The following PHF21A variants were observed in gnomAD, a reference collection of about 807,000 sequenced individuals.
PHF21A encodes the protein BHC80a.
PHF21A carries 11 observed loss-of-function variants against 82.5 expected under a neutral mutation model. The observed-to-expected ratio is 0.13, with a 90% confidence interval of 0.08 to 0.22. The LOEUF is 0.22. Among genes scored for constraint, PHF21A ranks in the 10% least tolerant of loss-of-function variants. The pLI is 1.00. For synonymous variants in PHF21A, 297 were observed against 302.8 expected, an observed-to-expected ratio of 0.98 and a Z score of 0.20; for missense variants, 579 against 837.8, an observed-to-expected ratio of 0.69 and a Z score of 3.81.
chr11:46,086,292 T>G (rs578255942), intron 3 of PHF21A, among the ~76,000 whole-genome samples: 1 of 152,284 alleles, frequency 6.6e-6, no homozygotes, highest in East Asian at 1.9e-4. Context: ...CTAATTTTTT[T>G]GTATTTTTAG....
At chr11:46,071,080 A>G (rs1398247167) in intron 6 of PHF21A, among the ~76,000 whole-genome samples, 1 of 152,148 alleles carries the variant, frequency 6.6e-6, no homozygotes, top group Admixed American at 6.5e-5. Flanking sequence ...CAATTTCCAT[A>G]TCCTCTCTGT....
intron 4 of PHF21A, among the ~76,000 whole-genome samples, chr11:46,082,247 A>T (rs892036260): frequency 6.6e-6 from 1 of 152,182 alleles, no homozygotes; most frequent in African/African-American, 2.4e-5. Flanking sequence ...AGTAAGCTCA[A>T]TTTCAGCCCT....
chr11:45,981,346 A>G (rs573269970), intron 6 of PHF21A, among the ~76,000 whole-genome samples: 5 of 138,322 alleles, frequency 3.6e-5, no homozygotes, highest in Non-Finnish European at 7.6e-5. Flanking sequence ...AGATCATGCC[A>G]TTGCACTCTG....
chr11:46,067,316 T>C (rs1483561461), intron 6 of PHF21A, among the ~76,000 whole-genome samples: 1 of 152,106 alleles, frequency 6.6e-6, no homozygotes, highest in Non-Finnish European at 1.5e-5. Flanking sequence ...GGGTAAGGTA[T>C]GTATGAGTTC....
At chr11:46,055,644 A>G (rs1369731199) in intron 6 of PHF21A, among the ~76,000 whole-genome samples, 1 of 152,124 alleles carries the variant, frequency 6.6e-6, no homozygotes, top group Non-Finnish European at 1.5e-5. Context: ...TACCAAGTCT[A>G]TACATTACAT....
intron 6 of PHF21A, among the ~76,000 whole-genome samples, chr11:46,063,449 G>A (rs1044179572): frequency 2.0e-5 from 3 of 152,148 alleles, no homozygotes; most frequent in Non-Finnish European, 4.4e-5. Context: ...TGTCATTGTG[G>A]CACAAAAGCA....
intron 10 of PHF21A, among the ~76,000 whole-genome samples, chr11:45,960,203 A>C (rs2092987729): frequency 6.6e-6 from 1 of 152,248 alleles, no homozygotes; most frequent in Admixed American, 6.5e-5. Context: ...ACTGAAAACA[A>C]GTAGTCATAC....
chr11:46,064,198 A>G (rs1034145845), intron 6 of PHF21A, among the ~76,000 whole-genome samples: 12 of 152,218 alleles, frequency 7.9e-5, no homozygotes, highest in African/African-American at 2.9e-4. Flanking sequence ...TTCACTGTTC[A>G]TAGGGAAAAT....
At chr11:45,973,792 T>C (rs931342052) in intron 7 of PHF21A, among the ~76,000 whole-genome samples, 2 of 152,232 alleles carry the variant, frequency 1.3e-5, no homozygotes, top group Non-Finnish European at 2.9e-5. Flanking sequence ...TCACACCAGA[T>C]GGCGTTCAAT....
chr11:45,962,967 C>A (rs897785366), intron 10 of PHF21A, among the ~76,000 whole-genome samples: 3 of 151,800 alleles, frequency 2.0e-5, no homozygotes, highest in African/African-American at 4.8e-5. Flanking sequence ...TCAAGGATAT[C>A]TTTTTATAAT....
chr11:45,931,668 A>C lies in PHF21A; in HGVS notation c.*2300T>G, dbSNP rs2087662889. On this transcript the variant is annotated 3_prime_UTR_variant, in exon 19 of 19. Transcript: ENST00000676320. ...CTAATTGGGTGGGAGAGAAGCTGATAGGATCGTTTCTACCTCTCCTAGACT... is the reference window on the plus strand; with the variant it reads ...CTAATTGGGTGGGAGAGAAGCTGATCGGATCGTTTCTACCTCTCCTAGACT... 6.6e-6 allele frequency: 1 copy of C among 152,242 alleles called. No homozygotes were observed. The highest frequency in any genetic ancestry group is 2.4e-5 in the African/African-American group (1 of 41,456). 9.4% of individuals were successfully genotyped at this position (152,242 alleles called of 1,614,324 possible). A position where few individuals can be genotyped will look rare whatever the true frequency, so the allele number is the denominator to read the frequency against.
At chr11:45,963,008 G>T (rs572841291) in intron 10 of PHF21A, among the ~76,000 whole-genome samples, 76 of 152,110 alleles carry the variant, frequency 5.0e-4, no homozygotes, top group African/African-American at 1.7e-3. Flanking sequence ...CTCTATCAAC[G>T]TGAAGGCCAC....
intron 6 of PHF21A, among the ~76,000 whole-genome samples, chr11:46,051,319 G>T (rs2096361631): frequency 6.6e-6 from 1 of 152,120 alleles, no homozygotes. Flanking sequence ...AGGTCAGCAG[G>T]TGGCATGTCA....
At chr11:46,000,496 A>G (rs2095082302) in intron 6 of PHF21A, among the ~76,000 whole-genome samples, 1 of 143,508 alleles carries the variant, frequency 7.0e-6, no homozygotes, top group Admixed American at 6.8e-5. Context: ...GAATAATTTT[A>G]AACAGCTTTA....
intron 15 of PHF21A, among the ~76,000 whole-genome samples, chr11:45,941,064 A>C (rs980414877): frequency 6.6e-6 from 1 of 152,128 alleles, no homozygotes; most frequent in Non-Finnish European, 1.5e-5. Flanking sequence ...CTTTTATATG[A>C]GTTATATCTA....
At chr11:45,966,776 C>T (rs887057540) in intron 9 of PHF21A, among the ~76,000 whole-genome samples, 14 of 152,048 alleles carry the variant, frequency 9.2e-5, no homozygotes, top group South Asian at 2.1e-4. Flanking sequence ...CATGCCAGCA[C>T]GCCCAGCTAA....
At chr11:46,058,123 A>C (rs1441532203) in intron 6 of PHF21A, among the ~76,000 whole-genome samples, 1 of 152,178 alleles carries the variant, frequency 6.6e-6, no homozygotes, top group East Asian at 1.9e-4. Flanking sequence ...CAGAAACTAG[A>C]AAGTCATAGC....
intron 9 of PHF21A, among the ~76,000 whole-genome samples, chr11:45,965,932 G>A (rs2135945930): frequency 6.6e-6 from 1 of 152,156 alleles, no homozygotes; most frequent in East Asian, 1.9e-4. Flanking sequence ...TAGTCATAAT[G>A]TTGCCAATAG....
chr11:46,083,533 A>C (rs956560504), intron 4 of PHF21A: 7 of 152,232 alleles, frequency 4.6e-5, no homozygotes, highest in African/African-American at 1.4e-4. Flanking sequence ...TCAATGCATC[A>C]TCCTTTATCA....
Sources: gnomAD v4.1 joint callset for allele counts (sites outside exome capture counted in the v4.1 genomes callset) on GRCh38, gnomAD v4.1.1 for gene constraint, MANE v1.5 for transcripts, NCBI Gene and HGNC (gene_info 2026-07-23, HGNC 2026-07-21) for gene names.